The following CACNA1C variants were observed in gnomAD, a reference collection of about 807,000 sequenced individuals.
CACNA1C encodes calcium voltage-gated channel subunit alpha1 C.
In CACNA1C, 30 loss-of-function variants were observed where a neutral mutation model predicts 229.0. The observed-to-expected ratio is 0.13, with a 90% confidence interval of 0.10 to 0.18. CACNA1C has a LOEUF of 0.18. Ranked by LOEUF, CACNA1C falls within the 10% of genes least tolerant of loss-of-function variation. CACNA1C has a pLI of 1.00. For synonymous variants in CACNA1C, 1,114 were observed against 1,132.5 expected, an observed-to-expected ratio of 0.98 and a Z score of 0.33; for missense variants, 1,658 against 2,845.0, an observed-to-expected ratio of 0.58 and a Z score of 9.49.
chr12:2,384,313 C>T (rs1392321176), intron 3 of CACNA1C, among the ~76,000 whole-genome samples: 4 of 152,186 alleles, frequency 2.6e-5, no homozygotes, highest in Non-Finnish European at 4.4e-5. Context: ...ACACATTGTG[C>T]GTCTTTCACC....
chr12:2,089,000 G>C (rs2068927397), intron 1 of CACNA1C, among the ~76,000 whole-genome samples: 1 of 152,092 alleles, frequency 6.6e-6, no homozygotes, highest in African/African-American at 2.4e-5. Flanking sequence ...TCTTACTTCT[G>C]GGAGACCCTG....
At chr12:2,358,683 G>T (rs138649807) in intron 3 of CACNA1C, among the ~76,000 whole-genome samples, 2 of 152,272 alleles carry the variant, frequency 1.3e-5, no homozygotes, top group African/African-American at 4.8e-5. Flanking sequence ...CAGGTTAACC[G>T]CAAGCGGTGG....
chr12:2,652,165 C>A (rs570283116), intron 32 of CACNA1C, among the ~76,000 whole-genome samples: 42 of 152,296 alleles, frequency 2.8e-4, no homozygotes, highest in Middle Eastern at 3.4e-3. Flanking sequence ...TTCAGCATTT[C>A]CAGAATCTGG....
At chr12:2,526,522 A>T (rs2099818746) in intron 9 of CACNA1C, among the ~76,000 whole-genome samples, 1 of 152,208 alleles carries the variant, frequency 6.6e-6, no homozygotes, top group African/African-American at 2.4e-5. Flanking sequence ...ATTTCCAAAC[A>T]CCTGGCTTTG....
intron 3 of CACNA1C, among the ~76,000 whole-genome samples, chr12:2,173,417 A>G (rs933516722): frequency 2.4e-4 from 37 of 152,228 alleles, no homozygotes; most frequent in African/African-American, 8.9e-4. Context: ...TGATCATACA[A>G]TTTATCATCC....
At chr12:2,297,611 T>C (rs143065910) in intron 3 of CACNA1C, among the ~76,000 whole-genome samples, 4 of 152,292 alleles carry the variant, frequency 2.6e-5, no homozygotes, top group African/African-American at 9.6e-5. Flanking sequence ...CCCCACAGCA[T>C]GGCTTGTGAA....
At position 2,682,479 on chromosome 12, in the gene CACNA1C, G is replaced by A. The variant is rs553741294; in HGVS notation, c.5445-71G>A. 8.9e-6 allele frequency: 14 copies of A among 1,566,386 alleles called. No individual in the cohort carries two copies. The South Asian group carries it at 1.5e-4, about 17-fold the overall frequency. ...ACCTGCATGTGTGTGCGTGTGTGAT[G>A]CTTTACTTGCTGAAGGAAGTGGAGG... On this transcript the variant is annotated intron_variant, in intron 42 of 46. Transcript: ENST00000399655.
At chr12:2,148,773 C>T (rs377416378) in intron 3 of CACNA1C, among the ~76,000 whole-genome samples, 4 of 145,184 alleles carry the variant, frequency 2.8e-5, no homozygotes, top group South Asian at 2.2e-4. Flanking sequence ...CTCAAACTCC[C>T]GGGCTCAAGC....
intron 1 of CACNA1C, among the ~76,000 whole-genome samples, chr12:1,982,131 A>G (rs193126818): frequency 3.0e-4 from 46 of 152,304 alleles, no homozygotes; most frequent in Non-Finnish European, 1.2e-4. Context: ...TGGAGGGGAT[A>G]AGCCAGATGT....
chr12:2,113,521 C>T (rs1378898336), intron 1 of CACNA1C, among the ~76,000 whole-genome samples: 1 of 152,146 alleles, frequency 6.6e-6, no homozygotes, highest in African/African-American at 2.4e-5. Flanking sequence ...CCCTGGAAGA[C>T]CCTGTGCACA....
intron 3 of CACNA1C, among the ~76,000 whole-genome samples, chr12:2,225,023 C>T (rs915593410): frequency 2.6e-4 from 40 of 152,250 alleles, no homozygotes; most frequent in Middle Eastern, 3.4e-3. Flanking sequence ...AATAAACGTT[C>T]GCACTCTAAA....
intron 3 of CACNA1C, among the ~76,000 whole-genome samples, chr12:2,426,382 A>C (rs1225140890): frequency 1.3e-5 from 2 of 152,210 alleles, no homozygotes; most frequent in African/African-American, 4.8e-5. Flanking sequence ...AGTGGCATAG[A>C]CAGTGAGTGC....
intron 3 of CACNA1C, among the ~76,000 whole-genome samples, chr12:2,222,779 T>C (rs1053997053): frequency 1.3e-5 from 2 of 151,870 alleles, no homozygotes; most frequent in African/African-American, 4.8e-5. Context: ...AAGTGAGGAG[T>C]GCTTTCTCAT....
At chr12:2,241,728 T>C (rs1471079614) in intron 3 of CACNA1C, among the ~76,000 whole-genome samples, 1 of 152,186 alleles carries the variant, frequency 6.6e-6, no homozygotes, top group Non-Finnish European at 1.5e-5. Context: ...TCCTTAATCA[T>C]TCATGGGGGA....
chr12:2,447,573 T>A (rs1253977388), intron 3 of CACNA1C, among the ~76,000 whole-genome samples: 2 of 152,150 alleles, frequency 1.3e-5, no homozygotes, highest in East Asian at 3.9e-4. Context: ...CTCAAACTGC[T>A]TCACAGTGAG....
intron 3 of CACNA1C, among the ~76,000 whole-genome samples, chr12:2,309,256 T>C (rs1252264351): frequency 6.6e-6 from 1 of 152,150 alleles, no homozygotes; most frequent in Non-Finnish European, 1.5e-5. Context: ...ATAAACACTG[T>C]GTGATCTCAA....
At position 2,651,402 on chromosome 12, in the gene CACNA1C, A is replaced by G; in HGVS notation, c.3946-238A>G. ...TGAAGGGGAATCGGGGAGAATAAAA[A>G]CACAGGACCACAGCCCAGCGGCCTG... is the stretch of plus-strand genomic sequence containing the variant. On this transcript the variant is annotated intron_variant, in intron 31 of 46. Coordinates refer to ENST00000399655, the MANE Select transcript of CACNA1C (RefSeq NM_000719.7). This position sits in a 1 kb window ranked among gnomAD's most constrained non-coding sequence, Gnocchi z 5.4. 2 of 575,108 alleles carry G rather than the reference A, an allele frequency of 3.5e-6. No homozygotes were observed. The highest frequency in any genetic ancestry group is 3.1e-6 in the Non-Finnish European group (1 of 324,956). The allele number at this position is 575,108 out of a possible 1,614,324, so 35.6% of individuals were successfully genotyped here.
At chr12:2,509,310 TCATGTTATGGAATGTAACCCTTA>T (rs2099778409) in intron 8 of CACNA1C, among the ~76,000 whole-genome samples, 1 of 152,094 alleles carries the variant, frequency 6.6e-6, no homozygotes, top group African/African-American at 2.4e-5. Flanking sequence ...ACATACACAG[TCATGTTATGGAATGTAACCCTTA>T]CATGTTATGG....
At chr12:2,180,114 A>G (rs991522035) in intron 3 of CACNA1C, among the ~76,000 whole-genome samples, 4 of 152,202 alleles carry the variant, frequency 2.6e-5, no homozygotes, top group South Asian at 2.1e-4. Context: ...TGTAACCCCA[A>G]CAGTGTCTGT....
Sources: gnomAD v4.1 joint callset for allele counts (sites outside exome capture counted in the v4.1 genomes callset) on GRCh38, gnomAD v4.1.1 for gene constraint, Gnocchi (gnomAD v3.1) non-coding constraint, MANE v1.5 for transcripts, NCBI Gene and HGNC (gene_info 2026-07-23, HGNC 2026-07-21) for gene names.